MLLT1: variants seen among roughly 807,000 people sequenced by gnomAD.
MLLT1 encodes the protein protein ENL.
Under a neutral mutation model 55.1 loss-of-function variants are expected in MLLT1, and 11 were observed. The ratio of observed to expected loss-of-function variants is 0.20; its 90% CI spans 0.13 to 0.33. MLLT1 has a LOEUF of 0.33. Ranked by LOEUF, MLLT1 falls within the 10% of genes least tolerant of loss-of-function variation. The probability of loss-of-function intolerance (pLI) is 1.00; values close to 1 mark genes in which losing one functional copy is unlikely to be tolerated. For synonymous variants in MLLT1, 323 were observed against 320.1 expected (o/e 1.01, Z -0.10); for missense variants, 536 against 760.6 (o/e 0.70, Z 3.47).
intron 3 of MLLT1, among the ~76,000 whole-genome samples, chr19:6,237,763 CA>C (rs1269996726): frequency 0.014 from 999 of 71,750 alleles, 5 homozygotes; most frequent in African/African-American, 0.033. Flanking sequence ...ACTCTTGTCT[CA>C]AAAAAAAAAA....
intron 3 of MLLT1, among the ~76,000 whole-genome samples, chr19:6,233,835 T>C (rs2091035200): frequency 6.6e-6 from 1 of 152,334 alleles, no homozygotes; most frequent in East Asian, 1.9e-4. Flanking sequence ...CTACGCAGCT[T>C]TCCTTGAGGA....
intron 3 of MLLT1, among the ~76,000 whole-genome samples, chr19:6,255,950 G>A (rs1190577737): frequency 2.6e-5 from 4 of 152,178 alleles, no homozygotes; most frequent in Non-Finnish European, 5.9e-5. Context: ...CAAGCACGGT[G>A]GCTCACACCT....
At position 6,211,623 on chromosome 19, in the gene MLLT1, A is replaced by G. The variant is rs750613883; in HGVS notation, c.*1419T>C. The G allele has an allele frequency of 9.4e-7, 1 of 1,064,882 alleles. No homozygotes were observed. Among genetic ancestry groups the G allele is most frequent in the Non-Finnish European group, 1.1e-6 (1 of 878,960 alleles). 66.0% of individuals were successfully genotyped at this position (1,064,882 alleles called of 1,614,324 possible). On this transcript the variant is annotated 3_prime_UTR_variant, in exon 12 of 12. Transcript: ENST00000252674. The surrounding 1 kb of genome is among the most constrained non-coding windows in gnomAD (Gnocchi z 4.6). ...CCAGGCCCTCAGCCCTCTTTTCCTC[A>G]TAACTTGGTCAGGGCACAAGGACTT...
chr19:6,270,473 G>A lies in MLLT1; in HGVS notation c.193+106C>T. On this transcript the variant is annotated intron_variant, in intron 2 of 11. Transcript: ENST00000252674. The surrounding 1 kb of genome is among the most constrained non-coding windows in gnomAD (Gnocchi z 7.1). ...GAGGGACGCAAGCTGGAACCTCATGGTTGGAGGGGTCCTGCTGCTCCTGAG... is the reference window on the plus strand; with the variant it reads ...GAGGGACGCAAGCTGGAACCTCATGATTGGAGGGGTCCTGCTGCTCCTGAG... The A allele has an allele frequency of 2.4e-6, 3 of 1,247,386 alleles. No individual in the cohort carries two copies. The highest frequency in any genetic ancestry group is 3.3e-6 in the Non-Finnish European group (3 of 909,970). 77.3% of individuals were successfully genotyped at this position (1,247,386 alleles called of 1,614,324 possible).
intron 3 of MLLT1, chr19:6,259,482 C>T (rs1240029627): frequency 1.3e-5 from 2 of 152,234 alleles, no homozygotes; most frequent in East Asian, 3.8e-4. Flanking sequence ...ACTTCTGAGG[C>T]TTGACCAAGT....
intron 3 of MLLT1, among the ~76,000 whole-genome samples, chr19:6,236,813 A>G (rs1291412914): frequency 6.6e-6 from 1 of 152,202 alleles, no homozygotes; most frequent in Non-Finnish European, 1.5e-5. Context: ...AGGCTCCGTG[A>G]GCAATGGCAA....
Position 6,226,919 on chromosome 19 carries a change from G to C in MLLT1, c.546+58C>G, listed in dbSNP as rs2090961752. Reference sequence around the variant, plus strand: ...CAGTGGAGGGAGGGCGCCGGGGCCAGACCCACCACAGCTGGGCCCCGGCGC... The same window carrying C: ...CAGTGGAGGGAGGGCGCCGGGGCCACACCCACCACAGCTGGGCCCCGGCGC... On this transcript the variant is annotated intron_variant, in intron 5 of 11. Coordinates refer to ENST00000252674, the MANE Select transcript of MLLT1 (RefSeq NM_005934.4). The surrounding 1 kb of genome is among the most constrained non-coding windows in gnomAD (Gnocchi z 6.3). 6.9e-7 allele frequency: 1 copy of C among 1,458,392 alleles called. No individual in the cohort carries two copies. Among genetic ancestry groups the C allele is most frequent in the Non-Finnish European group, 9.1e-7 (1 of 1,104,528 alleles). 90.3% of individuals were successfully genotyped at this position (1,458,392 alleles called of 1,614,324 possible).
chr19:6,221,452 G>A (rs1251033904), intron 6 of MLLT1, among the ~76,000 whole-genome samples: 2 of 152,194 alleles, frequency 1.3e-5, no homozygotes, highest in Admixed American at 6.5e-5. Context: ...CTGTGCTGTG[G>A]GACAAGCCAG....
chr19:6,260,244 G>C (rs544853514), intron 3 of MLLT1, among the ~76,000 whole-genome samples: 1 of 152,278 alleles, frequency 6.6e-6, no homozygotes, highest in Admixed American at 6.5e-5. Flanking sequence ...ATGGTCAAAG[G>C]GCCCCCGGCT....
chr19:6,254,333 A>G (rs934109512), intron 3 of MLLT1, among the ~76,000 whole-genome samples: 2 of 152,218 alleles, frequency 1.3e-5, no homozygotes, highest in Non-Finnish European at 2.9e-5. Context: ...AGGTTTGGCC[A>G]TTACTGAATC....
rs1452302363 is a variant in MLLT1, at chr19:6,210,864, GCC to G, written c.*2176_*2177del. 2 of 230,226 alleles carry G rather than the reference GCC, an allele frequency of 8.7e-6. No individual in the cohort carries two copies. The highest frequency in any genetic ancestry group is 4.4e-5 in the African/African-American group (2 of 45,132). 14.3% of individuals were successfully genotyped at this position (230,226 alleles called of 1,614,324 possible). On this transcript the variant is annotated 3_prime_UTR_variant, in exon 12 of 12. Coordinates refer to ENST00000252674, the MANE Select transcript of MLLT1 (RefSeq NM_005934.4). The surrounding 1 kb of genome is among the most constrained non-coding windows in gnomAD (Gnocchi z 4.6). ...CGTCCATCAGGTGGTCACGGAGCCAGCCCTGGGCCCAGAGCAGCTCTGGAGGA... is the reference window on the plus strand; with the variant it reads ...CGTCCATCAGGTGGTCACGGAGCCAGCTGGGCCCAGAGCAGCTCTGGAGGA...
At chr19:6,217,599 G>C (rs78383133) in intron 7 of MLLT1, among the ~76,000 whole-genome samples, 6 of 152,210 alleles carry the variant, frequency 3.9e-5, no homozygotes, top group African/African-American at 7.2e-5. Flanking sequence ...CCTGGGGAGC[G>C]GGTGGGATGG....
chr19:6,267,170 C>T (rs930886910), intron 2 of MLLT1, among the ~76,000 whole-genome samples: 3 of 151,998 alleles, frequency 2.0e-5, no homozygotes, highest in African/African-American at 4.8e-5. Context: ...GGCATGATCT[C>T]GGCTCACTGC....
intron 3 of MLLT1, among the ~76,000 whole-genome samples, chr19:6,253,039 G>A (rs1286012156): frequency 3.3e-5 from 5 of 151,804 alleles, no homozygotes; most frequent in East Asian, 1.9e-4. Context: ...CGAAGTGGGC[G>A]GATCATGAAG....
intron 3 of MLLT1, chr19:6,259,659 G>C (rs573713188): frequency 6.6e-6 from 1 of 152,200 alleles, no homozygotes; most frequent in Non-Finnish European, 1.5e-5. Flanking sequence ...CGGGCACATG[G>C]TACACTGAAG....
chr19:6,267,349 CCG>C (rs2091356821), intron 2 of MLLT1, among the ~76,000 whole-genome samples: 1 of 151,514 alleles, frequency 6.6e-6, no homozygotes, highest in Non-Finnish European at 1.5e-5. Flanking sequence ...GGTGATCCAC[CCG>C]TCTCGGCCTC....
rs147843634 is a variant in MLLT1 at position 6,213,580 on chromosome 19, C to T, written c.1479+146G>A. Reference sequence around the variant, plus strand: ...CAGCCCCTCAGCTCCAAGGCCACACCGGGAGGGGAGGAAGGACTGTCCCTG... The same window carrying T: ...CAGCCCCTCAGCTCCAAGGCCACACTGGGAGGGGAGGAAGGACTGTCCCTG... On this transcript the variant is annotated intron_variant, in intron 10 of 11. Transcript: ENST00000252674. 3.9e-3 allele frequency: 3,878 copies of T among 992,428 alleles called. 46 individuals carry two copies. Among genetic ancestry groups the T allele is most frequent in the African/African-American group, 0.037 (2,324 of 62,764 alleles). 61.5% of individuals were successfully genotyped at this position (992,428 alleles called of 1,614,324 possible). A position where few individuals can be genotyped will look rare whatever the true frequency, so the allele number is the denominator to read the frequency against.
chr19:6,253,264 CAAAAAAAAAAAA>C (rs71172800), intron 3 of MLLT1, among the ~76,000 whole-genome samples: 2,863 of 24,690 alleles, frequency 0.12, 131 homozygotes, highest in African/African-American at 0.28. Flanking sequence ...GACCCCATCT[CAAAAAAAAAAAA>C]AAAAAAAAAA....
intron 3 of MLLT1, among the ~76,000 whole-genome samples, chr19:6,260,455 G>A (rs932648192): frequency 1.2e-4 from 19 of 152,338 alleles, no homozygotes; most frequent in African/African-American, 4.1e-4. Context: ...ACTTGGGAGC[G>A]GCTGGCCTGC....
Sources: allele counts gnomAD v4.1 joint callset (sites outside exome capture counted in the v4.1 genomes callset), GRCh38; gene constraint gnomAD v4.1.1; non-coding constraint Gnocchi (gnomAD v3.1); transcripts MANE v1.5; gene names NCBI Gene and HGNC (gene_info 2026-07-23, HGNC 2026-07-21).